Variants in TM9SF3 observed in about 807,000 individuals in gnomAD.
TM9SF3 encodes the protein SM-11044-binding protein.
A neutral mutation model predicts 78.6 loss-of-function variants in TM9SF3; 14 were observed. The observed-to-expected ratio is 0.18, with a 90% CI of 0.12 to 0.28. The LOEUF is 0.28. TM9SF3 is among the 10% of genes least tolerant of loss of function. The pLI is 1.00. For missense variants in TM9SF3, 496 were observed against 721.9 expected, an observed-to-expected ratio of 0.69 and a Z score of 3.59; for synonymous variants, 231 against 241.7, an observed-to-expected ratio of 0.96 and a Z score of 0.41.
rs1428384438 is a variant in TM9SF3 at position 96,586,154 on chromosome 10, CAAGT to C, written c.102+576_102+579del. Among the ~76,000 whole-genome samples, 3 of 152,308 alleles carry C rather than the reference CAAGT, an allele frequency of 2.0e-5. No homozygotes were observed. The East Asian group carries it at 5.8e-4, about 29-fold the overall frequency. On this transcript the variant is annotated intron_variant, in intron 1 of 14. Transcript: ENST00000371142. ...AACGCGTGTAGGTTGGGTGCACTTA[CAAGT>C]AAGTATAAACTGCTCTTCAATTCAA...
rs946249282 is a variant in TM9SF3 at position 96,586,895 on chromosome 10, TCCG to T, written c.-63_-61del. The T allele has an allele frequency of 7.5e-5, 85 of 1,138,996 alleles. No individual in the cohort carries two copies. The highest frequency in any genetic ancestry group is 2.8e-4 in the East Asian group (7 of 25,056). The allele number at this position is 1,138,996 out of a possible 1,614,324, so 70.6% of individuals were successfully genotyped here. ...GACTCCTCCTCCCGCCGCCGCCTCC[TCCG>T]CCGCCGCCGCCTCCGCCGCGGCCGA... On this transcript the variant is annotated 5_prime_UTR_variant, in exon 1 of 15. Transcript: ENST00000371142.
At position 96,586,889 on chromosome 10, in the gene TM9SF3, GCCT is replaced by G; in HGVS notation, c.-57_-55del. 7.2e-6 allele frequency: 7 copies of G among 967,584 alleles called. No individual in the cohort carries two copies. Among genetic ancestry groups the G allele is most frequent in the Non-Finnish European group, 7.7e-6 (6 of 777,548 alleles). 59.9% of individuals were successfully genotyped at this position (967,584 alleles called of 1,614,324 possible). A position where few individuals can be genotyped will look rare whatever the true frequency, so the allele number is the denominator to read the frequency against. On this transcript the variant is annotated 5_prime_UTR_variant, in exon 1 of 15. Transcript: ENST00000371142. Reference sequence around the variant, plus strand: ...CTCACCGACTCCTCCTCCCGCCGCCGCCTCCTCCGCCGCCGCCGCCTCCGCCGC... The same window carrying G: ...CTCACCGACTCCTCCTCCCGCCGCCGCCTCCGCCGCCGCCGCCTCCGCCGC...
At chr10:96,560,802 C>CT in intron 4 of TM9SF3, 1 of 554,644 alleles carries the variant, frequency 1.8e-6, no homozygotes, top group Non-Finnish European at 3.5e-6. Context: ...ACTATCAACA[C>CT]TAAGATCAAA....
At chr10:96,578,047 C>T (rs539238300) in intron 1 of TM9SF3, among the ~76,000 whole-genome samples, 21 of 152,158 alleles carry the variant, frequency 1.4e-4, no homozygotes, top group Admixed American at 1.0e-3. Context: ...GACTCAAACC[C>T]CAAATCTCTC....
At chr10:96,578,457 G>A (rs1467561103) in intron 1 of TM9SF3, among the ~76,000 whole-genome samples, 2 of 152,200 alleles carry the variant, frequency 1.3e-5, no homozygotes, top group Non-Finnish European at 2.9e-5. Flanking sequence ...GGCAGAGAAG[G>A]TCAGGACGAA....
intron 2 of TM9SF3, among the ~76,000 whole-genome samples, chr10:96,568,508 C>G (rs1352767949): frequency 1.3e-5 from 2 of 152,088 alleles, no homozygotes; most frequent in African/African-American, 2.4e-5. Context: ...CACTATGCAC[C>G]CCAATAATCT....
intron 9 of TM9SF3, among the ~76,000 whole-genome samples, chr10:96,538,106 T>C (rs1847981270): frequency 6.6e-6 from 1 of 152,166 alleles, no homozygotes; most frequent in Admixed American, 6.5e-5. Flanking sequence ...AAAGAATTGA[T>C]TTCAGGACTT....
Position 96,527,898 on chromosome 10 carries a change from G to GA in TM9SF3, c.1541+132dup, listed in dbSNP as rs572877538. On this transcript the variant is annotated intron_variant, in intron 12 of 14. Coordinates refer to ENST00000371142, the MANE Select transcript of TM9SF3 (RefSeq NM_020123.4). Reference sequence around the variant, plus strand: ...AAAATATGTATCATTTTTATAACTGGAAAAAAATCCCTATGCTATTTTAAG... The same window carrying GA: ...AAAATATGTATCATTTTTATAACTGGAAAAAAAATCCCTATGCTATTTTAAG... 536 of 872,582 alleles carry GA rather than the reference G, an allele frequency of 6.1e-4. 1 individual carries two copies. The Middle Eastern group carries it at 7.0e-3, about 11-fold the overall frequency. The allele number at this position is 872,582 out of a possible 1,614,324, so 54.1% of individuals were successfully genotyped here.
At chr10:96,571,479 G>A (rs962086980) in intron 2 of TM9SF3, among the ~76,000 whole-genome samples, 10 of 152,176 alleles carry the variant, frequency 6.6e-5, no homozygotes, top group African/African-American at 2.2e-4. Flanking sequence ...AACATCTTCC[G>A]GCTGAATAAG....
chr10:96,572,036 A>G (rs1408367), intron 2 of TM9SF3, among the ~76,000 whole-genome samples: 26,967 of 152,162 alleles, frequency 0.18, 2,662 homozygotes, highest in Admixed American at 0.3. Flanking sequence ...TAAGGGTGCA[A>G]TGGTGAATAA....
chr10:96,567,551 A>T (rs1327817428), intron 2 of TM9SF3, among the ~76,000 whole-genome samples: 3 of 152,034 alleles, frequency 2.0e-5, no homozygotes, highest in Non-Finnish European at 4.4e-5. Flanking sequence ...ACTCTACCTA[A>T]AATGTCCAGT....
chr10:96,530,683 G>A (rs1370374741), intron 10 of TM9SF3, 75 bp from the exon 11 acceptor site: 4 of 1,313,146 alleles, frequency 3.0e-6, no homozygotes, highest in African/African-American at 1.5e-5. Context: ...ACAGAAAGCA[G>A]GTACTTGACA....
chr10:96,525,343 A>G lies in TM9SF3; in HGVS notation c.1702+1870T>C, dbSNP rs112448988. 7.9e-3 allele frequency among the ~76,000 whole-genome samples: 1,206 copies of G among 152,190 alleles called. 20 individuals are homozygous for G. Among genetic ancestry groups the G allele is most frequent in the African/African-American group, 0.028 (1,155 of 41,550 alleles). On this transcript the variant is annotated intron_variant, in intron 14 of 14. Coordinates refer to ENST00000371142, the MANE Select transcript of TM9SF3 (RefSeq NM_020123.4). ...AGTTGGTTACTAATTATCACAGGGA[A>G]TGGCTATCACAGCAGCTATAAATAA...
At chr10:96,547,014 A>T (rs1183356251) in intron 8 of TM9SF3, among the ~76,000 whole-genome samples, 1 of 152,240 alleles carries the variant, frequency 6.6e-6, no homozygotes, top group Non-Finnish European at 1.5e-5. Context: ...CTGCAGAAAA[A>T]AACACCAAGG....
rs559340949 is a variant in TM9SF3, at chr10:96,582,727, A to C, written c.102+4007T>G. Reference sequence around the variant, plus strand: ...ACAGTCAATAGCACATTTCCTTTTCAACACTCTTCAGAGAATATTAAAATA... The same window carrying C: ...ACAGTCAATAGCACATTTCCTTTTCCACACTCTTCAGAGAATATTAAAATA... On this transcript the variant is annotated intron_variant, in intron 1 of 14. Coordinates refer to ENST00000371142, the MANE Select transcript of TM9SF3 (RefSeq NM_020123.4). Among the ~76,000 whole-genome samples the C allele has an allele frequency of 4.1e-4, 62 of 152,314 alleles. 1 individual carries two copies. The highest frequency in any genetic ancestry group is 1.5e-3 in the African/African-American group (61 of 41,566).
rs141592886 is a variant in TM9SF3 at position 96,532,355 on chromosome 10, T to A, written c.1325+696A>T. On this transcript the variant is annotated intron_variant, in intron 10 of 14. Coordinates refer to ENST00000371142, the MANE Select transcript of TM9SF3 (RefSeq NM_020123.4). Reference sequence around the variant, plus strand: ...TAGGGGCTATTTTATTCATCCTCCATTTCTATAAATGTCTACATGCCTCCA... The same window carrying A: ...TAGGGGCTATTTTATTCATCCTCCAATTCTATAAATGTCTACATGCCTCCA... Among the ~76,000 whole-genome samples the A allele has an allele frequency of 1.4e-4, 21 of 152,210 alleles. No homozygotes were observed. In the East Asian group the frequency reaches 3.5e-3, roughly 25 times the overall value.
At chr10:96,545,986 T>G (rs549360527) in intron 8 of TM9SF3, among the ~76,000 whole-genome samples, 2 of 152,314 alleles carry the variant, frequency 1.3e-5, no homozygotes, top group East Asian at 3.9e-4. Context: ...CTGTACACAT[T>G]CCACTGGGTA....
chr10:96,530,102 C>T (rs1847879796), intron 11 of TM9SF3, among the ~76,000 whole-genome samples: 1 of 152,178 alleles, frequency 6.6e-6, no homozygotes. Flanking sequence ...AGCACTCCTG[C>T]AGGCCTCTAT....
chr10:96,543,344 C>CTTTTTTTTTTTTTTTTTTTTTTTTT (rs398014526), intron 9 of TM9SF3, among the ~76,000 whole-genome samples: 1 of 136,894 alleles, frequency 7.3e-6, no homozygotes, highest in Non-Finnish European at 1.5e-5. Context: ...TAGTGAGATT[C>CTTTTTTTTTTTTTTTTTTTTTTTTT]TTTTTTTTGA....
Sources: gnomAD v4.1 joint callset for allele counts (sites outside exome capture counted in the v4.1 genomes callset) on GRCh38, gnomAD v4.1.1 for gene constraint, MANE v1.5 for transcripts, NCBI Gene and HGNC (gene_info 2026-07-23, HGNC 2026-07-21) for gene names.